Variants in HIGD1C observed in about 807,000 individuals in gnomAD.
HIGD1C encodes HIG1 domain family member 1C.
In HIGD1C, 11 loss-of-function variants were observed where a neutral mutation model predicts 13.1. The ratio of observed to expected loss-of-function variants is 0.84; its 90% CI spans 0.53 to 1.39. HIGD1C has a LOEUF of 1.39. Ranked by LOEUF, HIGD1C falls within the 40% of genes most tolerant of loss-of-function variation. HIGD1C has a pLI of 0.00. For synonymous variants in HIGD1C, 36 were observed against 37.7 expected (o/e 0.95, Z 0.17); for missense variants, 110 against 112.0 (o/e 0.98, Z 0.08).
the HIGD1C span, among the ~76,000 whole-genome samples, chr12:50,944,180 G>A: frequency 7.2e-5 from 11 of 151,996 alleles, no homozygotes; most frequent in Non-Finnish European, 1.2e-4. Context: ...TAAGGATGAG[G>A]TCTCCTCCCA....
At chr12:50,941,336 A>G in the HIGD1C span, among the ~76,000 whole-genome samples, 32 of 152,200 alleles carry the variant, frequency 2.1e-4, no homozygotes, top group Non-Finnish European at 4.1e-4. Flanking sequence ...GTGAACTATT[A>G]ATACATTGTT....
At chr12:50,950,076 T>C (rs903761955), upstream of HIGD1C, among the ~76,000 whole-genome samples, 1 of 152,214 alleles carries the variant, frequency 6.6e-6, no homozygotes, top group African/African-American at 2.4e-5. Context: ...TGGAGCCTAT[T>C]TGGCATTCCA....
chr12:50,934,830 T>C, the HIGD1C span: 2 of 152,230 alleles, frequency 1.3e-5, no homozygotes, highest in Admixed American at 1.3e-4. Context: ...ATGGTTACTA[T>C]TTCCATCAGT....
At chr12:50,936,625 A>G in the HIGD1C span, among the ~76,000 whole-genome samples, 1 of 152,210 alleles carries the variant, frequency 6.6e-6, no homozygotes, top group Admixed American at 6.5e-5. Context: ...TCATCTTCTG[A>G]GTCCAAGATC....
rs1592248715 is a variant in HIGD1C at position 50,954,324 on chromosome 12, T to C, written c.94+232T>C. On this transcript the variant is annotated intron_variant, in intron 1 of 2. Transcript: ENST00000398455. ...ATTTTATTCTATTTTATCCATTTCA[T>C]TAGAAGTCTACCTAAAATTATTAGT... The C allele has an allele frequency of 7.2e-6, 3 of 416,700 alleles. No homozygotes were observed. The East Asian group carries it at 1.2e-4, about 16-fold the overall frequency. The allele number at this position is 416,700 out of a possible 1,614,324, so 25.8% of individuals were successfully genotyped here.
chr12:50,938,796 G>A, the HIGD1C span, among the ~76,000 whole-genome samples: 38 of 152,196 alleles, frequency 2.5e-4, 1 homozygote, highest in Admixed American at 2.3e-3. Flanking sequence ...ATTTGTGTGA[G>A]AACTTGCCAG....
chr12:50,963,010 T>C (rs1365477000), intron 2 of HIGD1C, among the ~76,000 whole-genome samples: 3 of 132,792 alleles, frequency 2.3e-5, no homozygotes, highest in African/African-American at 9.3e-5. Flanking sequence ...CTTATATAAT[T>C]ATGAGGCTCT....
upstream of HIGD1C, among the ~76,000 whole-genome samples, chr12:50,951,939 A>AG (rs1258421557): frequency 1.9e-4 from 29 of 150,006 alleles, no homozygotes; most frequent in East Asian, 4.7e-3. Context: ...AAAAAAAAAG[A>AG]AAAAAAAATC....
chr12:50,968,405 G>A (rs1939629307), intron 2 of HIGD1C, among the ~76,000 whole-genome samples: 1 of 151,902 alleles, frequency 6.6e-6, no homozygotes, highest in Non-Finnish European at 1.5e-5. Context: ...GTGTGTGGGG[G>A]GAGACAGGGT....
chr12:50,965,946 T>C (rs1348464802), intron 2 of HIGD1C, among the ~76,000 whole-genome samples: 10 of 152,224 alleles, frequency 6.6e-5, no homozygotes, highest in Admixed American at 6.5e-4. Context: ...TGGCTCTTTA[T>C]TGTGGTGATT....
At chr12:50,933,800 T>C in the HIGD1C span, among the ~76,000 whole-genome samples, 992 of 152,314 alleles carry the variant, frequency 6.5e-3, 13 homozygotes, top group African/African-American at 0.022. Flanking sequence ...CTAAGCTAAG[T>C]GCTCAGTCCA....
intron 1 of HIGD1C, among the ~76,000 whole-genome samples, chr12:50,955,031 C>G (rs1488166968): frequency 6.6e-6 from 1 of 152,122 alleles, no homozygotes; most frequent in African/African-American, 2.4e-5. Context: ...GTGGCTCACT[C>G]CTGTAATCCC....
the HIGD1C span, among the ~76,000 whole-genome samples, chr12:50,941,206 G>A: frequency 7.9e-5 from 12 of 151,640 alleles, no homozygotes; most frequent in African/African-American, 4.8e-5. Context: ...CAGGCTGGTC[G>A]CAAACTCCTG....
At chr12:50,953,416 T>A (rs966273621), upstream of HIGD1C, among the ~76,000 whole-genome samples, 6 of 152,236 alleles carry the variant, frequency 3.9e-5, no homozygotes, top group South Asian at 8.3e-4. Context: ...GCAAGTTTCT[T>A]CATTCATCCT....
At chr12:50,959,522 A>AT (rs1359555088) in intron 1 of HIGD1C, among the ~76,000 whole-genome samples, 1 of 151,822 alleles carries the variant, frequency 6.6e-6, no homozygotes, top group African/African-American at 2.4e-5. Context: ...TTATCCAAAA[A>AT]TTTTTTTTCA....
chr12:50,952,468 C>T (rs1319755800), upstream of HIGD1C, among the ~76,000 whole-genome samples: 4 of 152,100 alleles, frequency 2.6e-5, no homozygotes, highest in South Asian at 2.1e-4. Context: ...CGGAGGGAGG[C>T]GGTGAGCAAG....
At chr12:50,947,509 C>T in the HIGD1C span, among the ~76,000 whole-genome samples, 1 of 152,104 alleles carries the variant, frequency 6.6e-6, no homozygotes, top group African/African-American at 2.4e-5. Flanking sequence ...TCCTACCTTC[C>T]ACCTTCTTGT....
intron 2 of HIGD1C, among the ~76,000 whole-genome samples, chr12:50,968,113 G>GGAGGAGGAGGAGGAGAAT (rs1477907755): frequency 6.6e-6 from 1 of 151,920 alleles, no homozygotes; most frequent in Admixed American, 6.6e-5. Flanking sequence ...AGGAGGAGGA[G>GGAGGAGGAGGAGGAGAAT]GAGGAGGAGG....
At chr12:50,954,590 G>A (rs1169346779) in intron 1 of HIGD1C, among the ~76,000 whole-genome samples, 1 of 152,120 alleles carries the variant, frequency 6.6e-6, no homozygotes, top group Non-Finnish European at 1.5e-5. Flanking sequence ...GCCGGGCACG[G>A]TGGCTCATGC....
Sources: gnomAD v4.1 joint callset for allele counts (sites outside exome capture counted in the v4.1 genomes callset) on GRCh38, gnomAD v4.1.1 for gene constraint, MANE v1.5 for transcripts, NCBI Gene and HGNC (gene_info 2026-07-23, HGNC 2026-07-21) for gene names.